PHIP: variants seen among roughly 807,000 people sequenced by gnomAD.
PHIP encodes PH-interacting protein.
Under a neutral mutation model 236.8 loss-of-function variants are expected in PHIP, and 54 were observed. That is an observed-to-expected ratio of 0.23 (90% CI 0.18 to 0.29). The LOEUF is 0.29. Ranked by LOEUF, PHIP falls within the 10% of genes least tolerant of loss-of-function variation. PHIP has a pLI of 1.00. For synonymous variants in PHIP, 756 were observed against 718.9 expected, an observed-to-expected ratio of 1.05 and a Z score of -0.83; for missense variants, 1,370 against 2,190.8, an observed-to-expected ratio of 0.63 and a Z score of 7.48.
At chr6:78,977,465 T>C (rs1048710401) in intron 24 of PHIP, among the ~76,000 whole-genome samples, 49 of 152,270 alleles carry the variant, frequency 3.2e-4, no homozygotes, top group Admixed American at 7.2e-4. Context: ...GCATGGCACA[T>C]GTATACGTAT....
rs181670638 is a variant in PHIP, at chr6:78,974,030, T to C, written c.2890-3142A>G. Among the ~76,000 whole-genome samples the C allele has an allele frequency of 4.0e-3, 610 of 152,302 alleles. 1 individual carries two copies. The highest frequency in any genetic ancestry group is 0.013 in the African/African-American group (538 of 41,552). ...TCAGCTCTGCACCAAGCAGACCTAA[T>C]AGACTTCTGCAGAACTCTCCACCTC... On this transcript the variant is annotated intron_variant, in intron 24 of 39. Transcript: ENST00000275034.
intron 35 of PHIP, among the ~76,000 whole-genome samples, chr6:78,949,737 A>G (rs2127685649): frequency 6.6e-6 from 1 of 151,676 alleles, no homozygotes; most frequent in African/African-American, 2.4e-5. Context: ...TTGCCAGGCT[A>G]GAGTTCAGTG....
intron 24 of PHIP, among the ~76,000 whole-genome samples, chr6:78,972,783 G>A (rs949580868): frequency 6.6e-6 from 1 of 152,072 alleles, no homozygotes; most frequent in Non-Finnish European, 1.5e-5. Flanking sequence ...TATCAGCAAT[G>A]GAAGATGAAA....
intron 18 of PHIP, 144 bp downstream of exon 18, chr6:78,998,105 TAAATA>T (rs1209097894): frequency 3.2e-6 from 2 of 621,428 alleles, no homozygotes; most frequent in Non-Finnish European, 5.6e-6. Flanking sequence ...CTTAGGTCAT[TAAATA>T]TTCTTCAAAA....
rs116031225 is a variant in PHIP, at chr6:78,996,713, T to C, written c.2201+701A>G. On this transcript the variant is annotated intron_variant, in intron 19 of 39. Coordinates refer to ENST00000275034, the MANE Select transcript of PHIP (RefSeq NM_017934.7). ...TCTATATGAACATTAAGACCAAAAT[T>C]TTAATTATGTAATTACTATCTTCTG... Among the ~76,000 whole-genome samples the C allele has an allele frequency of 2.5e-3, 383 of 152,256 alleles. 3 individuals are homozygous for C. Among genetic ancestry groups the C allele is most frequent in the African/African-American group, 8.9e-3 (369 of 41,558 alleles).
At chr6:78,969,137 T>G (rs773375792) in intron 27 of PHIP, among the ~76,000 whole-genome samples, 4 of 152,228 alleles carry the variant, frequency 2.6e-5, no homozygotes, top group Non-Finnish European at 5.9e-5. Flanking sequence ...TCCATAATTT[T>G]GATAGCTTCC....
In PHIP at chr6:78,946,415, G is replaced by A. The variant is rs1773820984; in HGVS notation, c.4371-155C>T. The A allele has an allele frequency of 2.1e-6, 3 of 1,400,226 alleles. No individual in the cohort carries two copies. The South Asian group carries it at 4.8e-5, about 22-fold the overall frequency. The allele number at this position is 1,400,226 out of a possible 1,614,324, so 86.7% of individuals were successfully genotyped here. Reference sequence around the variant, plus strand: ...TTCATATGATTGTGAGCCTTTGAAAGTGAATATTTAGTGAAGGATCGCTGT... The same window carrying A: ...TTCATATGATTGTGAGCCTTTGAAAATGAATATTTAGTGAAGGATCGCTGT... On this transcript the variant is annotated intron_variant, in intron 37 of 39. Coordinates refer to ENST00000275034, the MANE Select transcript of PHIP (RefSeq NM_017934.7).
chr6:79,074,224 C>T lies in PHIP; in HGVS notation c.189+3224G>A, dbSNP rs74296368. On this transcript the variant is annotated intron_variant, in intron 4 of 39. Transcript: ENST00000275034. ...CTATTTTACAAGGAAAAAATTAAAT[C>T]ATTTTAACAGATTGGCAAAACATGA... 6.0e-4 allele frequency among the ~76,000 whole-genome samples: 91 copies of T among 151,992 alleles called. No individual in the cohort carries two copies. The East Asian group carries it at 0.015, about 24-fold the overall frequency.
At chr6:79,040,021 AC>A (rs1483910142) in intron 7 of PHIP, among the ~76,000 whole-genome samples, 2 of 152,168 alleles carry the variant, frequency 1.3e-5, no homozygotes, top group East Asian at 3.8e-4. Context: ...ATTCTTGTAT[AC>A]CATTTATAAA....
rs1244528366 is a variant in PHIP, at chr6:78,939,834, T to C, written c.*859A>G. ...CCACCAGTGCATTATTTTCTATTAG[T>C]ACCAAAAAAAGATATATCTCAGCAT... On this transcript the variant is annotated 3_prime_UTR_variant, in exon 40 of 40. Coordinates refer to ENST00000275034, the MANE Select transcript of PHIP (RefSeq NM_017934.7). 1 of 152,402 alleles carries C rather than the reference T, an allele frequency of 6.6e-6. No homozygotes were observed. The highest frequency in any genetic ancestry group is 1.5e-5 in the Non-Finnish European group (1 of 67,874). The allele number at this position is 152,402 out of a possible 1,614,324, so 9.4% of individuals were successfully genotyped here. A position where few individuals can be genotyped will look rare whatever the true frequency, so the allele number is the denominator to read the frequency against.
At chr6:78,982,518 A>G (rs1488557397) in intron 23 of PHIP, among the ~76,000 whole-genome samples, 1 of 152,058 alleles carries the variant, frequency 6.6e-6, no homozygotes, top group Admixed American at 6.6e-5. Flanking sequence ...AGCAATAACA[A>G]TTAATAAGGA....
intron 7 of PHIP, among the ~76,000 whole-genome samples, chr6:79,035,901 C>G (rs1367134579): frequency 4.0e-5 from 6 of 151,674 alleles, no homozygotes; most frequent in Non-Finnish European, 7.4e-5. Flanking sequence ...CAGGGTCAAA[C>G]ATTTCAACAC....
chr6:78,989,604 A>G (rs1769085635), intron 20 of PHIP, among the ~76,000 whole-genome samples: 1 of 152,228 alleles, frequency 6.6e-6, no homozygotes. Flanking sequence ...TTTTGCGACC[A>G]CAGACGCTAA....
In PHIP at chr6:79,033,339, T is replaced by A. The variant is rs76856227; in HGVS notation, c.601-7175A>T. 1.2e-3 allele frequency among the ~76,000 whole-genome samples: 187 copies of A among 152,314 alleles called. 2 individuals carry two copies. In the East Asian group the frequency reaches 0.033, roughly 27 times the overall value. On this transcript the variant is annotated intron_variant, in intron 7 of 39. Coordinates refer to ENST00000275034, the MANE Select transcript of PHIP (RefSeq NM_017934.7). Reference sequence around the variant, plus strand: ...ATTGACTTCTCTCTAATTATGAAAGTCCTAGATGATGTATTTTTCCAATAC... The same window carrying A: ...ATTGACTTCTCTCTAATTATGAAAGACCTAGATGATGTATTTTTCCAATAC...
At chr6:79,008,838 G>C (rs188934892) in intron 15 of PHIP, among the ~76,000 whole-genome samples, 40 of 152,176 alleles carry the variant, frequency 2.6e-4, no homozygotes, top group African/African-American at 9.1e-4. Flanking sequence ...AAAGAAGTCA[G>C]TTCTCCCTTA....
chr6:78,934,776 T>C lies in PHIP; in HGVS notation c.*5917A>G, dbSNP rs1378956604. On this transcript the variant is annotated 3_prime_UTR_variant, in exon 40 of 40. Coordinates refer to ENST00000275034, the MANE Select transcript of PHIP (RefSeq NM_017934.7). ...AGATGAGGAAAATGAAGCTCTGAGA[T>C]ACGACTTTGCTGGGGTTCCTCTACT... 1.3e-5 allele frequency among the ~76,000 whole-genome samples: 2 copies of C among 152,238 alleles called. No homozygotes were observed. Among genetic ancestry groups the C allele is most frequent in the Non-Finnish European group, 2.9e-5 (2 of 68,050 alleles).
At chr6:78,999,127 G>A (rs965770075) in intron 17 of PHIP, among the ~76,000 whole-genome samples, 4 of 152,144 alleles carry the variant, frequency 2.6e-5, no homozygotes, top group Admixed American at 6.6e-5. Flanking sequence ...CAGGTAGAAC[G>A]CAAGAGGTAC....
chr6:79,057,294 G>A (rs1226627637), intron 6 of PHIP, among the ~76,000 whole-genome samples: 2 of 152,152 alleles, frequency 1.3e-5, no homozygotes, highest in South Asian at 2.1e-4. Flanking sequence ...ACTGGATCCT[G>A]GAATAAGAAA....
intron 27 of PHIP, 131 bp from the exon 28 acceptor site, chr6:78,966,187 C>A: frequency 5.0e-6 from 3 of 603,322 alleles, no homozygotes; most frequent in South Asian, 2.2e-5. Context: ...ACCACAAACT[C>A]CAAAAATAAG....
Sources: gnomAD v4.1 joint callset for allele counts (sites outside exome capture counted in the v4.1 genomes callset) on GRCh38, gnomAD v4.1.1 for gene constraint, MANE v1.5 for transcripts, NCBI Gene and HGNC (gene_info 2026-07-23, HGNC 2026-07-21) for gene names.